The following ARHGAP33 variants were observed in gnomAD, a reference collection of about 807,000 sequenced individuals.
The protein encoded by ARHGAP33 is rho GTPase-activating protein 33.
In ARHGAP33, 57 loss-of-function variants were observed where a neutral mutation model predicts 126.2. The observed-to-expected ratio is 0.45, with a 90% confidence interval of 0.36 to 0.56. The LOEUF is 0.56. Among genes scored for constraint, ARHGAP33 ranks in the 20% least tolerant of loss-of-function variants. ARHGAP33 has a pLI of 0.00. For synonymous variants in ARHGAP33, 711 were observed against 755.0 expected, an observed-to-expected ratio of 0.94 and a Z score of 0.95; for missense variants, 1,500 against 1,748.3, an observed-to-expected ratio of 0.86 and a Z score of 2.53.
Position 35,785,183 on chromosome 19 carries a change from C to G in ARHGAP33, c.1722-6C>G. Reference sequence around the variant, plus strand: ...GACGGCCTCCTGTTTCTCCCCCAAACCGCAGGAGGAAAGGGGAGAGAGGGG... The same window carrying G: ...GACGGCCTCCTGTTTCTCCCCCAAAGCGCAGGAGGAAAGGGGAGAGAGGGG... On this transcript the variant is annotated splice_region_variant and splice_polypyrimidine_tract_variant and intron_variant, in intron 17 of 20. Coordinates refer to ENST00000007510, the MANE Select transcript of ARHGAP33 (RefSeq NM_001366178.1). 6.3e-7 allele frequency: 1 copy of G among 1,576,466 alleles called. No individual in the cohort carries two copies. Among genetic ancestry groups the G allele is most frequent in the Non-Finnish European group, 8.6e-7 (1 of 1,157,418 alleles).
chr19:35,784,887 C>G (rs1972022117), intron 16 of ARHGAP33, 66 bp from the exon 17 acceptor site: 1 of 1,462,706 alleles, frequency 6.8e-7, no homozygotes, highest in Non-Finnish European at 9.0e-7. Flanking sequence ...GGCTGTGGCG[C>G]TTGGCTTTGC....
In ARHGAP33 at chr19:35,785,262, CG is replaced by C. The variant is rs1972050134; in HGVS notation, c.1799del (p.Gly600AlafsTer32). On this transcript the variant is annotated frameshift_variant, in exon 18 of 21. Transcript: ENST00000007510. LOFTEE classifies it high-confidence loss of function. Reference protein sequence around the residue: ...SSWKTFFALGRGPSVPRKKPL... With the variant: ...SSWKTFFALGXGPSVPRKKPL... ...CTGGAAGACGTTCTTTGCACTGGGC[CG>C]GGGCCCCAGTGTCCCTCGAAAGAAG... 2 of 1,596,330 alleles carry C rather than the reference CG, an allele frequency of 1.3e-6. No homozygotes were observed. The highest frequency in any genetic ancestry group is 1.7e-6 in the Non-Finnish European group (2 of 1,170,842).
chr19:35,786,201 G>C lies in ARHGAP33; in HGVS notation c.1943-212G>C. The C allele has an allele frequency of 1.3e-5, 18 of 1,403,552 alleles. No homozygotes were observed. The highest frequency in any genetic ancestry group is 1.6e-5 in the Non-Finnish European group (17 of 1,083,724). 86.9% of individuals were successfully genotyped at this position (1,403,552 alleles called of 1,614,324 possible). A position where few individuals can be genotyped will look rare whatever the true frequency, so the allele number is the denominator to read the frequency against. On this transcript the variant is annotated intron_variant, in intron 19 of 20. Coordinates refer to ENST00000007510, the MANE Select transcript of ARHGAP33 (RefSeq NM_001366178.1). The surrounding 1 kb of genome is among the most constrained non-coding windows in gnomAD (Gnocchi z 7.0). ...AGCTGTATGTGAATCTGTTGGTCTC[G>C]TGCTCACAGCCTGTGGGGCAGCCAC...
chr19:35,785,151 T>C (rs746367211), intron 17 of ARHGAP33, 38 bp from the exon 18 acceptor site: 1 of 1,581,118 alleles, frequency 6.3e-7, no homozygotes, highest in Non-Finnish European at 8.6e-7. Flanking sequence ...GGAGGCCTGG[T>C]TCCTCAGACG....
chr19:35,784,869 G>A (rs937106975), intron 16 of ARHGAP33, 84 bp from the exon 17 acceptor site: 7 of 1,399,658 alleles, frequency 5.0e-6, no homozygotes, highest in African/African-American at 4.6e-5. Flanking sequence ...CTGCGGGGCC[G>A]GGGCTTGGGC....
At chr19:35,778,640 T>A in intron 5 of ARHGAP33, 39 bp downstream of exon 5, 1 of 1,596,844 alleles carries the variant, frequency 6.3e-7, no homozygotes, top group Non-Finnish European at 8.5e-7. Context: ...CTCATGAGTG[T>A]GTCCTCATCC....
At chr19:35,781,321 T>G in intron 12 of ARHGAP33, 69 bp downstream of exon 12, 2 of 1,492,892 alleles carry the variant, frequency 1.3e-6, no homozygotes, top group Non-Finnish European at 1.9e-6. Context: ...AGCCCCGTGC[T>G]GCATGCTGGG....
chr19:35,787,464 C>T lies in ARHGAP33; in HGVS notation c.2899C>T (p.Pro967Ser). ...CCCGGGTGCCTGGGTCCCGGGACCC[C>T]CACCCTACTTACCAAGGCAACAAAG... ...AHPGAWVPGP[P>S]PYLPRQQSDG... The change falls in exon 21 of 21, where the codon CCA (proline) becomes TCA (serine). Residue 967 changes from proline to serine, a missense_variant. By Grantham distance (74) the Pro-to-Ser change is moderately conservative (BLOSUM62 -1). Around this residue, in one of 6 missense-constraint regions of ARHGAP33, gnomAD observed 642 missense variants for 634.0 expected, o/e 1.01. Transcript: ENST00000007510. 1 of 1,612,408 alleles carries T rather than the reference C, an allele frequency of 6.2e-7. No homozygotes were observed.
At chr19:35,776,617 G>T (rs1055622059) in intron 1 of ARHGAP33, among the ~76,000 whole-genome samples, 10 of 152,230 alleles carry the variant, frequency 6.6e-5, no homozygotes, top group Non-Finnish European at 1.3e-4. Flanking sequence ...GCGCGACTGG[G>T]CTGGCACTGG....
chr19:35,785,178 C>G lies in ARHGAP33; in HGVS notation c.1722-11C>G, dbSNP rs775599125. On this transcript the variant is annotated splice_polypyrimidine_tract_variant and intron_variant, in intron 17 of 20. Transcript: ENST00000007510. ...CCTCAGACGGCCTCCTGTTTCTCCCCCAAACCGCAGGAGGAAAGGGGAGAG... is the reference window on the plus strand; with the variant it reads ...CCTCAGACGGCCTCCTGTTTCTCCCGCAAACCGCAGGAGGAAAGGGGAGAG... The G allele has an allele frequency of 1.3e-6, 2 of 1,576,098 alleles. No individual in the cohort carries two copies. Among genetic ancestry groups the G allele is most frequent in the East Asian group, 2.3e-5 (1 of 44,216 alleles).
chr19:35,783,309 G>A (rs1971902854), intron 15 of ARHGAP33, among the ~76,000 whole-genome samples: 1 of 152,190 alleles, frequency 6.6e-6, no homozygotes, highest in South Asian at 2.1e-4. Flanking sequence ...GTCTTCTGGG[G>A]GCACAGATAC....
Position 35,782,757 on chromosome 19 carries a change from C to T in ARHGAP33, c.1314-5C>T, listed in dbSNP as rs187250039. The T allele has an allele frequency of 6.2e-7, 1 of 1,612,702 alleles. No individual in the cohort carries two copies. The highest frequency in any genetic ancestry group is 1.3e-5 in the African/African-American group (1 of 75,010). On this transcript the variant is annotated splice_polypyrimidine_tract_variant and splice_region_variant and intron_variant, in intron 14 of 20. Transcript: ENST00000007510. The surrounding 1 kb of genome is among the most constrained non-coding windows in gnomAD (Gnocchi z 4.1). ...CTCAGGTGCCCCCTCTGCTCCCACC[C>T]CCAGGACCCTGGAGTACCTGCTGAG...
At chr19:35,777,564 G>A in intron 1 of ARHGAP33, 81 bp from the exon 2 acceptor site, 1 of 1,227,084 alleles carries the variant, frequency 8.1e-7, no homozygotes, top group Non-Finnish European at 1.2e-6. Context: ...CGGGGCTCTG[G>A]ACCCGCGCTG....
Position 35,786,278 on chromosome 19 carries a change from A to C in ARHGAP33, c.1943-135A>C. ...TGTCCTCTTCATGGTCTCCACTGTC[A>C]ATCTGAACAGCTCTTCCTGGCTTCA... On this transcript the variant is annotated intron_variant, in intron 19 of 20. Transcript: ENST00000007510. This position sits in a 1 kb window ranked among gnomAD's most constrained non-coding sequence, Gnocchi z 7.0. The C allele has an allele frequency of 7.0e-7, 1 of 1,432,468 alleles. No individual in the cohort carries two copies. Among genetic ancestry groups the C allele is most frequent in the Non-Finnish European group, 9.1e-7 (1 of 1,097,750 alleles). 88.7% of individuals were successfully genotyped at this position (1,432,468 alleles called of 1,614,324 possible).
In ARHGAP33 at chr19:35,786,200, C is replaced by CAA; in HGVS notation, c.1943-213_1943-212insAA. The stretch of plus-strand genomic sequence containing the variant: ...CAGCTGTATGTGAATCTGTTGGTCT[C>CAA]GTGCTCACAGCCTGTGGGGCAGCCA... On this transcript the variant is annotated intron_variant, in intron 19 of 20. Transcript: ENST00000007510. The surrounding 1 kb of genome is among the most constrained non-coding windows in gnomAD (Gnocchi z 7.0). 1 of 1,408,654 alleles carries CAA rather than the reference C, an allele frequency of 7.1e-7. No individual in the cohort carries two copies. Among genetic ancestry groups the CAA allele is most frequent in the Middle Eastern group, 2.6e-4 (1 of 3,806 alleles). 87.3% of individuals were successfully genotyped at this position (1,408,654 alleles called of 1,614,324 possible).
At position 35,781,084 on chromosome 19, in the gene ARHGAP33, G is replaced by GC; in HGVS notation, c.982+15dup. On this transcript the variant is annotated intron_variant, in intron 11 of 20. Transcript: ENST00000007510. Reference sequence around the variant, plus strand: ...CTCAGGCCAGGATGGTGAGGCCGGGGCCCACCCACCCCACCCGTCACACCA... The same window carrying GC: ...CTCAGGCCAGGATGGTGAGGCCGGGGCCCCACCCACCCCACCCGTCACACCA... 3 of 1,607,510 alleles carry GC rather than the reference G, an allele frequency of 1.9e-6. No individual in the cohort carries two copies. Among genetic ancestry groups the GC allele is most frequent in the Non-Finnish European group, 1.7e-6 (2 of 1,176,434 alleles).
At chr19:35,775,728 GC>G in intron 1 of ARHGAP33, 64 bp downstream of exon 1, 2 of 1,417,490 alleles carry the variant, frequency 1.4e-6, no homozygotes, top group Non-Finnish European at 1.9e-6. Context: ...GCGCAGCCCC[GC>G]CCCGCGCGCC....
chr19:35,780,649 G>T lies in ARHGAP33; in HGVS notation c.769+1G>T, dbSNP rs778443584. The T allele has an allele frequency of 8.8e-7, 1 of 1,130,494 alleles. No individual in the cohort carries two copies. Among genetic ancestry groups the T allele is most frequent in the Admixed American group, 2.0e-5 (1 of 50,952 alleles). 70.0% of individuals were successfully genotyped at this position (1,130,494 alleles called of 1,614,324 possible). A position where few individuals can be genotyped will look rare whatever the true frequency, so the allele number is the denominator to read the frequency against. On this transcript the variant is annotated splice_donor_variant, in intron 9 of 20. Coordinates refer to ENST00000007510, the MANE Select transcript of ARHGAP33 (RefSeq NM_001366178.1). LOFTEE classifies it high-confidence loss of function. The stretch of plus-strand genomic sequence containing the variant: ...CGGCCAGGTCCGGGCCTGAAGGCGG[G>T]TAAGTGCCATGGATGGATGGGAGGT...
intron 15 of ARHGAP33, among the ~76,000 whole-genome samples, chr19:35,783,792 G>C (rs894193191): frequency 6.6e-6 from 1 of 151,934 alleles, no homozygotes; most frequent in Non-Finnish European, 1.5e-5. Flanking sequence ...GTGGTCTCAG[G>C]CTCCCTCTGG....
Sources: gnomAD v4.1 joint callset for allele counts (sites outside exome capture counted in the v4.1 genomes callset) on GRCh38, gnomAD v4.1.1 for gene constraint, gnomAD v4.1.1 regional missense constraint, Gnocchi (gnomAD v3.1) non-coding constraint, MANE v1.5 for transcripts, NCBI Gene and HGNC (gene_info 2026-07-23, HGNC 2026-07-21) for gene names.